Variants in SLC2A9 observed in about 807,000 individuals in gnomAD.
SLC2A9 encodes solute carrier family 2, facilitated glucose transporter member 9.
SLC2A9 carries 39 observed loss-of-function variants against 50.6 expected under a neutral mutation model. The observed-to-expected ratio is 0.77, with a 90% CI of 0.60 to 1.01. The LOEUF (loss-of-function observed/expected upper bound fraction) is 1.01, where lower values mean the gene tolerates loss of function less well. Ranked by LOEUF, SLC2A9 falls within the 50% of genes least tolerant of loss-of-function variation. The probability of loss-of-function intolerance (pLI) is 0.00; values close to 1 mark genes in which losing one functional copy is unlikely to be tolerated. For synonymous variants in SLC2A9, 324 were observed against 276.9 expected, an observed-to-expected ratio of 1.17 and a Z score of -1.69; for missense variants, 686 against 677.6, an observed-to-expected ratio of 1.01 and a Z score of -0.14.
intron 7 of SLC2A9, among the ~76,000 whole-genome samples, chr4:9,911,945 G>A (rs1384795338): frequency 6.6e-6 from 1 of 152,120 alleles, no homozygotes; most frequent in Non-Finnish European, 1.5e-5. Flanking sequence ...ATACACCATG[G>A]AATACTATGC....
chr4:9,816,593 C>G (rs1248397787), intron 3 of SLC2A9, among the ~76,000 whole-genome samples: 2 of 152,054 alleles, frequency 1.3e-5, no homozygotes, highest in Non-Finnish European at 2.9e-5. Flanking sequence ...TGTTAATTAG[C>G]TTGATTGTGG....
chr4:9,871,506 C>T (rs1467636790), intron 10 of SLC2A9, among the ~76,000 whole-genome samples: 1 of 152,190 alleles, frequency 6.6e-6, no homozygotes, highest in Non-Finnish European at 1.5e-5. Flanking sequence ...ATTCTAGATG[C>T]ATCGCTCGCT....
chr4:9,875,838 A>T (rs969467405), intron 10 of SLC2A9, among the ~76,000 whole-genome samples: 11 of 152,172 alleles, frequency 7.2e-5, no homozygotes, highest in African/African-American at 2.7e-4. Context: ...CCAGGGCTGA[A>T]GGACTAATTA....
intron 10 of SLC2A9, among the ~76,000 whole-genome samples, chr4:9,867,500 A>G (rs1166038533): frequency 6.6e-6 from 1 of 152,246 alleles, no homozygotes; most frequent in Non-Finnish European, 1.5e-5. Context: ...GGTGATAATG[A>G]TGATAATGAT....
At chr4:9,969,091 G>T (rs1437117979) in intron 5 of SLC2A9, among the ~76,000 whole-genome samples, 4 of 152,018 alleles carry the variant, frequency 2.6e-5, no homozygotes, top group African/African-American at 9.7e-5. Context: ...TTTCCAGTCA[G>T]GCCCCTAGAA....
At chr4:9,841,938 A>G (rs1328740299) in intron 10 of SLC2A9, among the ~76,000 whole-genome samples, 2 of 152,222 alleles carry the variant, frequency 1.3e-5, no homozygotes. Flanking sequence ...GGTGGTAGCA[A>G]GAGTTCTTAG....
At chr4:9,959,972 C>T (rs550388007) in intron 5 of SLC2A9, among the ~76,000 whole-genome samples, 1 of 152,306 alleles carries the variant, frequency 6.6e-6, no homozygotes, top group East Asian at 1.9e-4. Context: ...AAGCATTGTC[C>T]CACTTCAACA....
intron 8 of SLC2A9, among the ~76,000 whole-genome samples, chr4:9,897,340 T>C (rs1738739055): frequency 6.6e-6 from 1 of 151,898 alleles, no homozygotes; most frequent in Non-Finnish European, 1.5e-5. Context: ...GAGCCAGGAG[T>C]CTCTGCCCTT....
At chr4:9,914,279 T>A (rs1742439810) in intron 7 of SLC2A9, among the ~76,000 whole-genome samples, 1 of 152,316 alleles carries the variant, frequency 6.6e-6, no homozygotes, top group South Asian at 2.1e-4. Context: ...TACCGGCAGC[T>A]GCCAAGCAAA....
intron 3 of SLC2A9, among the ~76,000 whole-genome samples, chr4:9,987,083 G>A (rs887176032): frequency 2.6e-5 from 4 of 152,126 alleles, no homozygotes; most frequent in South Asian, 4.2e-4. Flanking sequence ...TTATAAACAA[G>A]TTAACTAGGT....
rs367637591 is a variant in SLC2A9, at chr4:9,920,588, C to T, written c.815-16G>A. 1.9e-6 allele frequency: 3 copies of T among 1,614,044 alleles called. No homozygotes were observed. The highest frequency in any genetic ancestry group is 1.6e-4 in the Middle Eastern group (1 of 6,062). Reference sequence around the variant, plus strand: ...GTTTGGAAGGCTGCAAACAGAGGCACACATGGACTTTCAGCAGGGATTAGA... The same window carrying T: ...GTTTGGAAGGCTGCAAACAGAGGCATACATGGACTTTCAGCAGGGATTAGA... On this transcript the variant is annotated splice_polypyrimidine_tract_variant and intron_variant, in intron 6 of 11. Transcript: ENST00000264784.
chr4:9,979,627 G>T (rs1417189665), intron 5 of SLC2A9, among the ~76,000 whole-genome samples: 1 of 151,876 alleles, frequency 6.6e-6, no homozygotes. Context: ...GCAGCCCTCT[G>T]CCTCTCTCCT....
At chr4:9,832,094 T>C (rs374511456) in intron 11 of SLC2A9, among the ~76,000 whole-genome samples, 150 of 152,324 alleles carry the variant, frequency 9.8e-4, no homozygotes, top group African/African-American at 3.3e-3. Flanking sequence ...TATTTGGTCA[T>C]GGCGGCCCGA....
chr4:10,010,941 G>A (rs1761664487), intron 2 of SLC2A9, among the ~76,000 whole-genome samples: 1 of 152,188 alleles, frequency 6.6e-6, no homozygotes, highest in African/African-American at 2.4e-5. Context: ...TGCCTAGGCT[G>A]ACTGTTCTCT....
At chr4:9,811,172 C>A (rs187481561) in intron 3 of SLC2A9, among the ~76,000 whole-genome samples, 1 of 152,324 alleles carries the variant, frequency 6.6e-6, no homozygotes. Flanking sequence ...AGGGCCAATA[C>A]AAATCTTCGT....
Position 9,818,851 on chromosome 4 carries a change from G to A in SLC2A9, n.420+7569C>T, listed in dbSNP as rs147670121. On this transcript the variant is annotated intron_variant and non_coding_transcript_variant, in intron 3 of 3. Coordinates refer to the SLC2A9 transcript ENST00000503280. The stretch of plus-strand genomic sequence containing the variant: ...AGTATACAGGTCTTGGGCTGGGTGC[G>A]GTGGCTCATGCCTGTAATCCCAGCA... Among the ~76,000 whole-genome samples the A allele has an allele frequency of 3.0e-3, 462 of 152,208 alleles. 2 individuals are homozygous for A. Among genetic ancestry groups the A allele is most frequent in the African/African-American group, 0.01 (421 of 41,534 alleles).
At chr4:9,926,876 G>A (rs1018578670) in intron 6 of SLC2A9, among the ~76,000 whole-genome samples, 3 of 152,042 alleles carry the variant, frequency 2.0e-5, no homozygotes, top group East Asian at 1.9e-4. Flanking sequence ...TTGTGTTCAC[G>A]GAGGAGAGGT....
intron 10 of SLC2A9, among the ~76,000 whole-genome samples, chr4:9,881,044 T>C (rs1486520570): frequency 6.6e-6 from 1 of 152,246 alleles, no homozygotes; most frequent in Non-Finnish European, 1.5e-5. Context: ...ACTCCTCCTC[T>C]GTGTCTCACC....
At chr4:9,910,779 G>C (rs948607804) in intron 7 of SLC2A9, among the ~76,000 whole-genome samples, 1 of 152,196 alleles carries the variant, frequency 6.6e-6, no homozygotes, top group Non-Finnish European at 1.5e-5. Context: ...ATGTCCCTTA[G>C]TAGGTTAGTG....
Sources: allele counts gnomAD v4.1 joint callset (sites outside exome capture counted in the v4.1 genomes callset), GRCh38; gene constraint gnomAD v4.1.1; transcripts MANE v1.5; gene names NCBI Gene and HGNC (gene_info 2026-07-23, HGNC 2026-07-21).